Variants in ADAMTS17 observed in about 807,000 individuals in gnomAD.
ADAMTS17 encodes A disintegrin and metalloproteinase with thrombospondin motifs 17.
In ADAMTS17, 113 loss-of-function variants were observed where a neutral mutation model predicts 141.5. The observed-to-expected ratio is 0.80, with a 90% CI of 0.69 to 0.93. The LOEUF is 0.93. Ranked by LOEUF, ADAMTS17 falls within the 40% of genes least tolerant of loss-of-function variation. The pLI is 0.00. For missense variants in ADAMTS17, 1,659 were observed against 1,517.9 expected, an observed-to-expected ratio of 1.09 and a Z score of -1.54; for synonymous variants, 768 against 630.6, an observed-to-expected ratio of 1.22 and a Z score of -3.27.
At chr15:100,154,331 G>A (rs924490666) in intron 9 of ADAMTS17, among the ~76,000 whole-genome samples, 2 of 152,208 alleles carry the variant, frequency 1.3e-5, no homozygotes, top group African/African-American at 4.8e-5. Context: ...TGAGTGCATT[G>A]TTAAGCTGGT....
intron 13 of ADAMTS17, among the ~76,000 whole-genome samples, chr15:100,116,144 A>C (rs1337346168): frequency 6.8e-5 from 10 of 147,714 alleles, no homozygotes; most frequent in South Asian, 2.1e-4. Flanking sequence ...AAAAAAAAAA[A>C]AAAAAAAAAA....
chr15:100,099,747 A>ATGGTATGG (rs1567171571), intron 14 of ADAMTS17, among the ~76,000 whole-genome samples: 10 of 151,772 alleles, frequency 6.6e-5, no homozygotes, highest in Non-Finnish European at 1.5e-4. Flanking sequence ...GGATGGTATG[A>ATGGTATGG]GATGGTATGA....
chr15:100,278,560 C>T (rs62036241), intron 4 of ADAMTS17, among the ~76,000 whole-genome samples: 31,565 of 152,030 alleles, frequency 0.21, 3,699 homozygotes, highest in South Asian at 0.35. Flanking sequence ...TCCAGCGGCT[C>T]GACATGAGGC....
At chr15:100,225,804 C>CATG (rs2042287403) in intron 7 of ADAMTS17, among the ~76,000 whole-genome samples, 1 of 149,530 alleles carries the variant, frequency 6.7e-6, no homozygotes, top group South Asian at 2.1e-4. Context: ...GCCTCTGTGC[C>CATG]CACTCTGTCC....
intron 12 of ADAMTS17, among the ~76,000 whole-genome samples, chr15:100,121,013 A>G (rs1410504358): frequency 6.6e-6 from 1 of 152,256 alleles, no homozygotes; most frequent in African/African-American, 2.4e-5. Context: ...GAATATCAAT[A>G]AAGATATGGA....
intron 8 of ADAMTS17, among the ~76,000 whole-genome samples, chr15:100,166,935 G>A (rs2039972585): frequency 6.6e-6 from 1 of 152,212 alleles, no homozygotes; most frequent in South Asian, 2.1e-4. Flanking sequence ...GGGGATCACA[G>A]AGAAATCAGC....
At chr15:100,143,201 G>T (rs1346289320) in intron 10 of ADAMTS17, among the ~76,000 whole-genome samples, 2 of 152,316 alleles carry the variant, frequency 1.3e-5, no homozygotes, top group South Asian at 2.1e-4. Flanking sequence ...CTCACAGTCA[G>T]GACAGGACCC....
rs7162227 is a variant in ADAMTS17 at position 100,152,577 on chromosome 15, C to G, written c.1473+35G>C. ...CTGCTGTGGGAGGGCTGGATCCATG[C>G]TCTGTCCCGAGCCAGCCCTCCCACG... On this transcript the variant is annotated intron_variant, in intron 10 of 21. Transcript: ENST00000268070. 0.13 allele frequency: 216,724 copies of G among 1,610,546 alleles called. 15,581 individuals are homozygous for G. The highest frequency in any genetic ancestry group is 0.21 in the Admixed American group (12,715 of 59,988).
intron 7 of ADAMTS17, among the ~76,000 whole-genome samples, chr15:100,204,309 G>A (rs1373162911): frequency 6.6e-6 from 1 of 152,226 alleles, no homozygotes; most frequent in African/African-American, 2.4e-5. Flanking sequence ...GTCTGCCTTT[G>A]AGAGAGATGG....
intron 7 of ADAMTS17, among the ~76,000 whole-genome samples, chr15:100,250,421 T>A (rs1030967397): frequency 1.4e-4 from 21 of 152,180 alleles, no homozygotes; most frequent in African/African-American, 4.8e-4. Context: ...CAAGCATGCA[T>A]CTACATGACT....
intron 15 of ADAMTS17, among the ~76,000 whole-genome samples, chr15:100,085,495 C>A (rs1326261468): frequency 2.0e-5 from 3 of 151,586 alleles, no homozygotes; most frequent in African/African-American, 7.3e-5. Context: ...ATAGAGAACA[C>A]CACAAAGATA....
At chr15:100,075,238 CTAAGG>C (rs2034285625) in intron 15 of ADAMTS17, among the ~76,000 whole-genome samples, 1 of 152,170 alleles carries the variant, frequency 6.6e-6, no homozygotes, top group Non-Finnish European at 1.5e-5. Context: ...TTTTTACTCT[CTAAGG>C]TAATTCCTAT....
intron 7 of ADAMTS17, among the ~76,000 whole-genome samples, chr15:100,221,618 A>C (rs543287528): frequency 6.6e-6 from 1 of 152,334 alleles, no homozygotes; most frequent in African/African-American, 2.4e-5. Flanking sequence ...GCCATACGCC[A>C]AGTCAGTCAT....
intron 3 of ADAMTS17, among the ~76,000 whole-genome samples, chr15:100,328,900 G>A (rs1437561450): frequency 6.6e-6 from 1 of 152,152 alleles, no homozygotes; most frequent in Admixed American, 6.5e-5. Context: ...TCTGTCCTTT[G>A]TTTCGTTGCA....
chr15:100,086,300 T>C (rs1314998658), intron 15 of ADAMTS17, among the ~76,000 whole-genome samples: 1 of 151,646 alleles, frequency 6.6e-6, no homozygotes, highest in Non-Finnish European at 1.5e-5. Flanking sequence ...GAGCTAACTA[T>C]CCTAAATATA....
chr15:99,976,354 T>C, intron 20 of ADAMTS17, 132 bp from the exon 21 acceptor site: 1 of 1,176,206 alleles, frequency 8.5e-7, no homozygotes, highest in Admixed American at 2.0e-5. Flanking sequence ...GCTGGGATGA[T>C]GGCCTCACAA....
At chr15:100,230,127 C>T (rs374737626) in intron 7 of ADAMTS17, among the ~76,000 whole-genome samples, 7 of 152,222 alleles carry the variant, frequency 4.6e-5, no homozygotes, top group African/African-American at 1.4e-4. Flanking sequence ...GGCATATTAA[C>T]TGAGAAGACA....
chr15:100,301,157 T>C (rs2045018289), intron 3 of ADAMTS17, among the ~76,000 whole-genome samples: 1 of 152,236 alleles, frequency 6.6e-6, no homozygotes, highest in African/African-American at 2.4e-5. Flanking sequence ...TTGTGTTTAA[T>C]GCTTAAATCT....
chr15:100,153,574 G>A (rs531087757), intron 9 of ADAMTS17, among the ~76,000 whole-genome samples: 29 of 152,294 alleles, frequency 1.9e-4, no homozygotes, highest in African/African-American at 6.7e-4. Context: ...AACTCAGGAG[G>A]CTGAGGTTGC....
Sources: gnomAD v4.1 joint callset for allele counts (sites outside exome capture counted in the v4.1 genomes callset) on GRCh38, gnomAD v4.1.1 for gene constraint, MANE v1.5 for transcripts, NCBI Gene and HGNC (gene_info 2026-07-23, HGNC 2026-07-21) for gene names.